The following FAM83B variants were observed in gnomAD, a reference collection of about 807,000 sequenced individuals.
The protein encoded by FAM83B is scaffolding CK1 anchoring protein B, also known as protein FAM83B.
A neutral mutation model predicts 38.8 loss-of-function variants in FAM83B; 26 were observed. That is an observed-to-expected ratio of 0.67 (90% CI 0.49 to 0.93). The LOEUF (loss-of-function observed/expected upper bound fraction) is 0.93, where lower values mean the gene tolerates loss of function less well. Ranked by LOEUF, FAM83B falls within the 40% of genes least tolerant of loss-of-function variation. The pLI, the probability that FAM83B is intolerant of heterozygous loss-of-function variation, is 0.00. For missense variants in FAM83B, 1,237 were observed against 1,197.3 expected, an observed-to-expected ratio of 1.03 and a Z score of -0.49; for synonymous variants, 419 against 423.1, an observed-to-expected ratio of 0.99 and a Z score of 0.12.
At chr6:54,932,519 A>C (rs913833530) in intron 4 of FAM83B, among the ~76,000 whole-genome samples, 34 of 152,182 alleles carry the variant, frequency 2.2e-4, no homozygotes, top group Admixed American at 8.5e-4. Context: ...CACATCTGCA[A>C]TAGTACAGGT....
chr6:54,866,093 G>A (rs574997828), intron 1 of FAM83B, among the ~76,000 whole-genome samples: 1 of 151,668 alleles, frequency 6.6e-6, no homozygotes, highest in African/African-American at 2.4e-5. Flanking sequence ...CCAAACTGAG[G>A]CTTGTGGACG....
At chr6:54,927,465 T>C (rs1345593966) in intron 3 of FAM83B, 43 bp from the exon 4 acceptor site, 1 of 1,457,050 alleles carries the variant, frequency 6.9e-7, no homozygotes, top group Admixed American at 2.1e-5. Flanking sequence ...AAATATTCTT[T>C]TCCTAGCCAT....
At chr6:54,899,686 T>A (rs1402162023) in intron 2 of FAM83B, among the ~76,000 whole-genome samples, 1 of 152,136 alleles carries the variant, frequency 6.6e-6, no homozygotes, top group Non-Finnish European at 1.5e-5. Flanking sequence ...ACCAGCTTTA[T>A]AAGGGCACTG....
Position 54,870,377 on chromosome 6 carries a change from A to G in FAM83B, c.131A>G (p.Gln44Arg). 1.2e-6 allele frequency: 2 copies of G among 1,614,102 alleles called. No homozygotes were observed. The highest frequency in any genetic ancestry group is 1.6e-4 in the Middle Eastern group (1 of 6,062). Reference sequence around the variant, plus strand: ...ATTGAACACGGGTTAGAAGCATACCAAGAATTTCTTGTCCAGGAACGAGTT... The same window carrying G: ...ATTGAACACGGGTTAGAAGCATACCGAGAATTTCTTGTCCAGGAACGAGTT... ...ILIEHGLEAY[Q>R]EFLVQERVSD... is the part of the protein sequence containing the mutation. The change falls in exon 2 of 5, where the codon CAA becomes CGA. Residue 44 changes from glutamine to arginine, a missense_variant. Gln to Arg is a conservative substitution (Grantham distance 43). Transcript: ENST00000306858.
chr6:54,938,735 T>C (rs1773581592), intron 4 of FAM83B, among the ~76,000 whole-genome samples: 1 of 152,170 alleles, frequency 6.6e-6, no homozygotes, highest in African/African-American at 2.4e-5. Context: ...TTCTTGCTGA[T>C]TTGAGTTCCT....
At chr6:54,931,566 GT>G (rs1419637544) in intron 4 of FAM83B, among the ~76,000 whole-genome samples, 4 of 151,784 alleles carry the variant, frequency 2.6e-5, no homozygotes, top group African/African-American at 9.7e-5. Flanking sequence ...TCTCTTATAA[GT>G]TTTTTATTTT....
rs761941208 is a variant in FAM83B at position 54,940,337 on chromosome 6, C to G, written c.1366C>G (p.Leu456Val). The G allele has an allele frequency of 2.1e-5, 34 of 1,613,938 alleles. No individual in the cohort carries two copies. Among genetic ancestry groups the G allele is most frequent in the Non-Finnish European group, 2.8e-5 (33 of 1,180,008 alleles). Reference sequence around the variant, plus strand: ...GCTTGCGCAGAGAAAAACAACAAATCTTGCAGACAGGAATTCAAATGTTCG... The same window carrying G: ...GCTTGCGCAGAGAAAAACAACAAATGTTGCAGACAGGAATTCAAATGTTCG... The part of the protein sequence containing the change: ...NRLAQRKTTN[L>V]ADRNSNVRRS... Residue 456 changes from leucine to valine, a missense_variant, in exon 5 of 5, where the codon CTT (leucine) becomes GTT (valine). Physicochemically the swap from Leu to Val is conservative, Grantham distance 32. Transcript: ENST00000306858.
intron 2 of FAM83B, among the ~76,000 whole-genome samples, chr6:54,920,920 T>A (rs891664758): frequency 6.6e-6 from 1 of 151,952 alleles, no homozygotes; most frequent in Non-Finnish European, 1.5e-5. Context: ...AATGTAATAA[T>A]GAATCATATT....
In FAM83B at chr6:54,942,856, A is replaced by T. The variant is rs548565176; in HGVS notation, c.*849A>T. Among the ~76,000 whole-genome samples, 37 of 151,742 alleles carry T rather than the reference A, an allele frequency of 2.4e-4. 1 individual carries two copies. The highest frequency in any genetic ancestry group is 2.3e-3 in the South Asian group (11 of 4,814). On this transcript the variant is annotated 3_prime_UTR_variant, in exon 5 of 5. Transcript: ENST00000306858. ...GTAAATTTCTGCCTAAATTTTTGTT[A>T]GATTGGCATGACAATGCTAAGGGGT...
intron 2 of FAM83B, among the ~76,000 whole-genome samples, chr6:54,890,966 T>A (rs868833519): frequency 6.6e-6 from 1 of 151,320 alleles, no homozygotes; most frequent in African/African-American, 2.4e-5. Flanking sequence ...AAAAAAAAAA[T>A]AAAGTTGTGA....
At chr6:54,850,987 C>T (rs1771259931) in intron 1 of FAM83B, among the ~76,000 whole-genome samples, 1 of 143,412 alleles carries the variant, frequency 7.0e-6, no homozygotes, top group African/African-American at 2.6e-5. Context: ...CACTGCACTC[C>T]AGCCTGGGTG....
rs377607948 is a variant in FAM83B, at chr6:54,870,370, G to A, written c.124G>A (p.Ala42Thr). 2.6e-5 allele frequency: 42 copies of A among 1,613,906 alleles called. No homozygotes were observed. In the African/African-American group the frequency reaches 4.8e-4, roughly 18 times the overall value. Reference sequence around the variant, plus strand: ...TATTCTGATTGAACACGGGTTAGAAGCATACCAAGAATTTCTTGTCCAGGA... The same window carrying A: ...TATTCTGATTGAACACGGGTTAGAAACATACCAAGAATTTCTTGTCCAGGA... The part of the protein sequence containing the change: ...IDILIEHGLE[A>T]YQEFLVQERV... The change falls in exon 2 of 5, where the codon GCA becomes ACA. Residue 42 changes from alanine (A) to threonine (T), a missense_variant. Transcript: ENST00000306858.
At position 54,944,500 on chromosome 6, in the gene FAM83B, A is replaced by C. The variant is rs1297619350; in HGVS notation, c.*2493A>C. 2 of 152,122 alleles carry C rather than the reference A, an allele frequency of 1.3e-5. No homozygotes were observed. Among genetic ancestry groups the C allele is most frequent in the African/African-American group, 4.8e-5 (2 of 41,404 alleles). 9.4% of individuals were successfully genotyped at this position (152,122 alleles called of 1,614,324 possible). A position where few individuals can be genotyped will look rare whatever the true frequency, so the allele number is the denominator to read the frequency against. ...AATACACAGATATCCCTCTATTACA[A>C]GTTTGGGATTAGCCATAATTCTGAC... On this transcript the variant is annotated 3_prime_UTR_variant, in exon 5 of 5. Coordinates refer to ENST00000306858, the MANE Select transcript of FAM83B (RefSeq NM_001010872.3).
At chr6:54,909,717 G>A (rs979238172) in intron 2 of FAM83B, among the ~76,000 whole-genome samples, 6 of 152,114 alleles carry the variant, frequency 3.9e-5, no homozygotes, top group African/African-American at 1.4e-4. Context: ...TAAGCAACAA[G>A]GCTGAATAAA....
chr6:54,873,346 A>AC (rs1771907422), intron 2 of FAM83B, among the ~76,000 whole-genome samples: 1 of 152,124 alleles, frequency 6.6e-6, no homozygotes, highest in African/African-American at 2.4e-5. Flanking sequence ...AAAGTTATTG[A>AC]CCCCATTTTT....
chr6:54,893,216 A>G (rs1772445138), intron 2 of FAM83B, among the ~76,000 whole-genome samples: 1 of 152,170 alleles, frequency 6.6e-6, no homozygotes, highest in South Asian at 2.1e-4. Flanking sequence ...AAATGTTGGG[A>G]ACAATTTGTT....
rs1053132711 is a variant in FAM83B, at chr6:54,942,468, C to T, written c.*461C>T. Among the ~76,000 whole-genome samples the T allele has an allele frequency of 3.9e-5, 6 of 152,006 alleles. No homozygotes were observed. Among genetic ancestry groups the T allele is most frequent in the African/African-American group, 9.7e-5 (4 of 41,384 alleles). On this transcript the variant is annotated 3_prime_UTR_variant, in exon 5 of 5. Coordinates refer to ENST00000306858, the MANE Select transcript of FAM83B (RefSeq NM_001010872.3). ...TTTTTAAGATTAACTTGAAGTTCTA[C>T]GGGATAACTTGTTATATTTTATTAA...
intron 1 of FAM83B, among the ~76,000 whole-genome samples, chr6:54,855,984 A>G (rs771119951): frequency 6.6e-6 from 1 of 152,226 alleles, no homozygotes; most frequent in Admixed American, 6.5e-5. Context: ...AAACTGAAAG[A>G]GAAGAAAGGT....
chr6:54,867,073 C>A (rs1239470726), intron 1 of FAM83B, among the ~76,000 whole-genome samples: 2 of 151,076 alleles, frequency 1.3e-5, no homozygotes, highest in Non-Finnish European at 3.0e-5. Context: ...GCTTACATGG[C>A]ATAGTGATAT....
Sources: gnomAD v4.1 joint callset for allele counts (sites outside exome capture counted in the v4.1 genomes callset) on GRCh38, gnomAD v4.1.1 for gene constraint, MANE v1.5 for transcripts, NCBI Gene and HGNC (gene_info 2026-07-23, HGNC 2026-07-21) for gene names.